The following ZNF521 variants were observed in gnomAD, a reference collection of about 807,000 sequenced individuals.
The protein encoded by ZNF521 is LYST-interacting protein 3.
In ZNF521, 14 loss-of-function variants were observed where a neutral mutation model predicts 105.5. The observed-to-expected ratio is 0.13, with a 90% CI of 0.09 to 0.21. The LOEUF is 0.21. Among genes scored for constraint, ZNF521 ranks in the 10% least tolerant of loss-of-function variants. ZNF521 has a pLI of 1.00. For synonymous variants in ZNF521, 635 were observed against 606.0 expected, an observed-to-expected ratio of 1.05 and a Z score of -0.70; for missense variants, 1,233 against 1,629.7, an observed-to-expected ratio of 0.76 and a Z score of 4.19.
intron 6 of ZNF521, among the ~76,000 whole-genome samples, chr18:25,091,276 A>G (rs1183886902): frequency 6.6e-6 from 1 of 152,184 alleles, no homozygotes; most frequent in Non-Finnish European, 1.5e-5. Flanking sequence ...GGAATACCAC[A>G]AATATGTGTG....
At chr18:25,326,838 C>T (rs1013021847) in intron 2 of ZNF521, among the ~76,000 whole-genome samples, 1 of 152,178 alleles carries the variant, frequency 6.6e-6, no homozygotes, top group Non-Finnish European at 1.5e-5. Flanking sequence ...ACCCAAAATA[C>T]TCCACTTATA....
At chr18:25,169,154 A>G (rs943479328) in intron 5 of ZNF521, among the ~76,000 whole-genome samples, 1 of 152,196 alleles carries the variant, frequency 6.6e-6, no homozygotes, top group African/African-American at 2.4e-5. Flanking sequence ...TCAGTAACAA[A>G]AAGGTCATCT....
At chr18:25,260,150 GGTCT>G (rs1288865230) in intron 3 of ZNF521, among the ~76,000 whole-genome samples, 62 of 152,280 alleles carry the variant, frequency 4.1e-4, no homozygotes, top group African/African-American at 1.3e-3. Context: ...TAAATGCCAA[GGTCT>G]TCTGATTCAG....
At chr18:25,146,606 T>C (rs2034949018) in intron 5 of ZNF521, among the ~76,000 whole-genome samples, 1 of 152,184 alleles carries the variant, frequency 6.6e-6, no homozygotes, top group Admixed American at 6.5e-5. Flanking sequence ...AAAAACTGTT[T>C]TTCACTTTTA....
intron 5 of ZNF521, among the ~76,000 whole-genome samples, chr18:25,152,446 T>A (rs575601383): frequency 1.5e-4 from 22 of 144,582 alleles, no homozygotes; most frequent in Non-Finnish European, 3.1e-4. Context: ...GCCACTGCAC[T>A]CCAACCTGGG....
intron 7 of ZNF521, among the ~76,000 whole-genome samples, chr18:25,079,684 G>A (rs1410094110): frequency 6.6e-6 from 1 of 152,012 alleles, no homozygotes; most frequent in Admixed American, 6.5e-5. Context: ...GGGGACGCAG[G>A]GTGCTCTCAG....
At chr18:25,223,126 A>T (rs1242318283) in intron 4 of ZNF521, among the ~76,000 whole-genome samples, 1 of 152,250 alleles carries the variant, frequency 6.6e-6, no homozygotes, top group Non-Finnish European at 1.5e-5. Flanking sequence ...TTGTTTCAAA[A>T]GAAACAATTT....
chr18:25,080,062 A>G (rs749130142), intron 7 of ZNF521, among the ~76,000 whole-genome samples: 10 of 152,162 alleles, frequency 6.6e-5, no homozygotes, highest in Admixed American at 2.0e-4. Context: ...AGGAGCTGCT[A>G]TCAAGGCAGG....
chr18:25,222,988 G>A (rs1268427113), intron 4 of ZNF521, among the ~76,000 whole-genome samples: 1 of 152,212 alleles, frequency 6.6e-6, no homozygotes, highest in Non-Finnish European at 1.5e-5. Context: ...TGGAGGACCT[G>A]GGGATACCCA....
chr18:25,227,819 T>C lies in ZNF521; in HGVS notation c.221-122A>G. On this transcript the variant is annotated intron_variant, in intron 3 of 7. Coordinates refer to ENST00000361524, the MANE Select transcript of ZNF521 (RefSeq NM_015461.3). The surrounding 1 kb of genome is among the most constrained non-coding windows in gnomAD (Gnocchi z 5.7). The stretch of plus-strand genomic sequence containing the variant: ...TTGAATCTTTCAAGAAAAAACAAAA[T>C]GAAAAGAGAGAATATTTGAGTGAGA... The C allele has an allele frequency of 1.3e-6, 1 of 782,836 alleles. No homozygotes were observed. Among genetic ancestry groups the C allele is most frequent in the South Asian group, 1.9e-5 (1 of 51,922 alleles). 48.5% of individuals were successfully genotyped at this position (782,836 alleles called of 1,614,324 possible). A position where few individuals can be genotyped will look rare whatever the true frequency, so the allele number is the denominator to read the frequency against.
intron 4 of ZNF521, among the ~76,000 whole-genome samples, chr18:25,210,579 A>C (rs2036162223): frequency 6.6e-6 from 1 of 152,196 alleles, no homozygotes; most frequent in Admixed American, 6.5e-5. Flanking sequence ...GAGGTGTCTA[A>C]TGTTCTATTC....
chr18:25,117,941 G>A (rs1339034586), intron 5 of ZNF521, among the ~76,000 whole-genome samples: 1 of 151,910 alleles, frequency 6.6e-6, no homozygotes, highest in Non-Finnish European at 1.5e-5. Flanking sequence ...GCATATCCTA[G>A]TCAAATAGTT....
chr18:25,235,864 G>C (rs1180240907), intron 3 of ZNF521, among the ~76,000 whole-genome samples: 1 of 152,190 alleles, frequency 6.6e-6, no homozygotes, highest in East Asian at 1.9e-4. Flanking sequence ...TCATTGTGCA[G>C]TAAAGTGATA....
chr18:25,185,423 A>G (rs1165924486), intron 5 of ZNF521, among the ~76,000 whole-genome samples: 1 of 152,134 alleles, frequency 6.6e-6, no homozygotes, highest in African/African-American at 2.4e-5. Flanking sequence ...AGTGTTCCTC[A>G]AGATGCCCTC....
At chr18:25,248,917 T>C (rs1907915393) in intron 3 of ZNF521, among the ~76,000 whole-genome samples, 1 of 152,234 alleles carries the variant, frequency 6.6e-6, no homozygotes, top group South Asian at 2.1e-4. Context: ...AAAGTTTTAC[T>C]GGAACACAGC....
At chr18:25,274,473 T>C (rs12965613) in intron 3 of ZNF521, among the ~76,000 whole-genome samples, 15,289 of 152,176 alleles carry the variant, frequency 0.1, 861 homozygotes, top group South Asian at 0.18. Flanking sequence ...TGAAAACAAT[T>C]AGATATGTGG....
At chr18:25,127,841 T>C (rs2144379329) in intron 5 of ZNF521, among the ~76,000 whole-genome samples, 1 of 152,060 alleles carries the variant, frequency 6.6e-6, no homozygotes, top group South Asian at 2.1e-4. Flanking sequence ...TTGGTCTCTG[T>C]GGAAAAGAAA....
chr18:25,217,317 G>A (rs561685049), intron 4 of ZNF521, among the ~76,000 whole-genome samples: 1 of 152,192 alleles, frequency 6.6e-6, no homozygotes, highest in African/African-American at 2.4e-5. Flanking sequence ...GGCTTTGAAG[G>A]TATACAGAAG....
At chr18:25,298,245 T>A (rs1362741427) in intron 3 of ZNF521, among the ~76,000 whole-genome samples, 1 of 152,226 alleles carries the variant, frequency 6.6e-6, no homozygotes, top group Non-Finnish European at 1.5e-5. Flanking sequence ...ATACTTTCAA[T>A]TTAATCTGCC....
Sources: gnomAD v4.1 joint callset for allele counts (sites outside exome capture counted in the v4.1 genomes callset) on GRCh38, gnomAD v4.1.1 for gene constraint, Gnocchi (gnomAD v3.1) non-coding constraint, MANE v1.5 for transcripts, NCBI Gene and HGNC (gene_info 2026-07-23, HGNC 2026-07-21) for gene names.